Variants in STX17 observed in about 807,000 individuals in gnomAD.
STX17 encodes syntaxin-17.
In STX17, 29 loss-of-function variants were observed where a neutral mutation model predicts 35.9. The observed-to-expected ratio is 0.81, with a 90% CI of 0.60 to 1.10. The LOEUF (loss-of-function observed/expected upper bound fraction) is 1.10. Among genes scored for constraint, STX17 ranks in the 50% least tolerant of loss-of-function variants. STX17 has a pLI of 0.00. For missense variants in STX17, 312 were observed against 352.3 expected, an observed-to-expected ratio of 0.89 and a Z score of 0.92; for synonymous variants, 92 against 118.3, an observed-to-expected ratio of 0.78 and a Z score of 1.44.
At chr9:99,951,632 T>C (rs932533587) in intron 4 of STX17, among the ~76,000 whole-genome samples, 2 of 151,998 alleles carry the variant, frequency 1.3e-5, no homozygotes, top group African/African-American at 2.4e-5. Flanking sequence ...CAGGCATGCT[T>C]TTTTTTCTTA....
intron 2 of STX17, among the ~76,000 whole-genome samples, chr9:99,921,426 G>A (rs138387979): frequency 6.6e-6 from 1 of 152,016 alleles, no homozygotes; most frequent in East Asian, 1.9e-4. Context: ...AGTTATCATT[G>A]TTATATTTGT....
At chr9:99,961,877 A>G (rs1829832090) in intron 6 of STX17, among the ~76,000 whole-genome samples, 1 of 152,178 alleles carries the variant, frequency 6.6e-6, no homozygotes, top group African/African-American at 2.4e-5. Context: ...GGATATTGAT[A>G]CTTAAACTAT....
intron 3 of STX17, 162 bp downstream of exon 3, chr9:99,929,005 A>G (rs957315622): frequency 1.8e-6 from 1 of 568,548 alleles, no homozygotes; most frequent in Non-Finnish European, 3.0e-6. Context: ...CATGCCATAC[A>G]TATTTTCAAA....
intron 3 of STX17, among the ~76,000 whole-genome samples, chr9:99,946,555 T>C (rs1009113497): frequency 1.3e-5 from 2 of 152,296 alleles, no homozygotes; most frequent in Admixed American, 1.3e-4. Context: ...TTTACCCACT[T>C]TTTAGCATAT....
intron 4 of STX17, among the ~76,000 whole-genome samples, chr9:99,955,013 T>G (rs985461240): frequency 6.6e-6 from 1 of 152,050 alleles, no homozygotes; most frequent in African/African-American, 2.4e-5. Flanking sequence ...CACTTGTGTG[T>G]CTGGTTTCAT....
chr9:99,907,918 C>T (rs1360411216), intron 1 of STX17, among the ~76,000 whole-genome samples: 1 of 152,172 alleles, frequency 6.6e-6, no homozygotes, highest in Admixed American at 6.5e-5. Flanking sequence ...CTCCTCCAGT[C>T]TGTGACAGTT....
Position 99,969,339 on chromosome 9 carries a change from T to C in STX17, c.*666T>C, listed in dbSNP as rs1045063174. 1 of 152,198 alleles carries C rather than the reference T, an allele frequency of 6.6e-6. No homozygotes were observed. The highest frequency in any genetic ancestry group is 1.5e-5 in the Non-Finnish European group (1 of 68,040). The allele number at this position is 152,198 out of a possible 1,614,324, so 9.4% of individuals were successfully genotyped here. On this transcript the variant is annotated 3_prime_UTR_variant, in exon 8 of 8. Coordinates refer to ENST00000259400, the MANE Select transcript of STX17 (RefSeq NM_017919.3). ...AGAATTTCAAGTGGTAGGAGACTTA[T>C]TAAGCCAGTCACCAAGCTTGGTCTG...
rs533154427 is a variant in STX17, at chr9:99,914,660, A to T, written c.-62-518A>T. On this transcript the variant is annotated intron_variant, in intron 1 of 7. Coordinates refer to ENST00000259400, the MANE Select transcript of STX17 (RefSeq NM_017919.3). ...GAGAAAAGTTGCATATTATGTTATC[A>T]TATATTTGAAGTTGTGTAATTACAA... Among the ~76,000 whole-genome samples, 4 of 152,306 alleles carry T rather than the reference A, an allele frequency of 2.6e-5. No individual in the cohort carries two copies. The South Asian group carries it at 8.3e-4, about 32-fold the overall frequency.
intron 3 of STX17, among the ~76,000 whole-genome samples, chr9:99,930,168 C>T (rs1829088660): frequency 6.6e-6 from 1 of 152,068 alleles, no homozygotes; most frequent in South Asian, 2.1e-4. Context: ...GCCTTGGCCT[C>T]CCATAGTGCT....
Position 99,972,604 on chromosome 9 carries a change from C to G in STX17, c.*3931C>G, listed in dbSNP as rs1352929906. ...TGGGCTGCCTGCCTTCCTGCCCTCCCTTAAGTGCTCTAAGATTTTTGTACA... is the reference window on the plus strand; with the variant it reads ...TGGGCTGCCTGCCTTCCTGCCCTCCGTTAAGTGCTCTAAGATTTTTGTACA... On this transcript the variant is annotated 3_prime_UTR_variant, in exon 8 of 8. Coordinates refer to ENST00000259400, the MANE Select transcript of STX17 (RefSeq NM_017919.3). Among the ~76,000 whole-genome samples, 1 of 152,162 alleles carries G rather than the reference C, an allele frequency of 6.6e-6. No individual in the cohort carries two copies. Among genetic ancestry groups the G allele is most frequent in the Non-Finnish European group, 1.5e-5 (1 of 68,024 alleles).
intron 2 of STX17, among the ~76,000 whole-genome samples, chr9:99,926,739 C>G (rs1828993776): frequency 6.6e-6 from 1 of 152,176 alleles, no homozygotes; most frequent in Non-Finnish European, 1.5e-5. Flanking sequence ...ACCTTGTGAT[C>G]CGCCCGCTTC....
At chr9:99,944,678 C>G (rs1829440702) in intron 3 of STX17, among the ~76,000 whole-genome samples, 1 of 151,962 alleles carries the variant, frequency 6.6e-6, no homozygotes. Context: ...CCACACCCGG[C>G]TAATTTTTTG....
intron 4 of STX17, among the ~76,000 whole-genome samples, chr9:99,953,526 G>T (rs1829646693): frequency 6.6e-6 from 1 of 152,046 alleles, no homozygotes. Flanking sequence ...AGTTATTGCT[G>T]CCATATTGGT....
At chr9:99,945,711 C>G (rs1210132213) in intron 3 of STX17, 1 of 372,334 alleles carries the variant, frequency 2.7e-6, no homozygotes, top group Non-Finnish European at 5.3e-6. Context: ...TAATTTTTTC[C>G]TTTCTAGTTT....
chr9:99,937,281 C>A (rs898692484), intron 3 of STX17, among the ~76,000 whole-genome samples: 1 of 152,052 alleles, frequency 6.6e-6, no homozygotes, highest in Admixed American at 6.6e-5. Flanking sequence ...CTTCTTGGAC[C>A]TCTGGACTTA....
chr9:99,940,729 A>C (rs943626434), intron 3 of STX17, among the ~76,000 whole-genome samples: 1 of 151,540 alleles, frequency 6.6e-6, no homozygotes, highest in African/African-American at 2.4e-5. Context: ...AGTCCGCCTG[A>C]CTCAGCCTCC....
At chr9:99,920,479 A>T (rs1318200021) in intron 2 of STX17, among the ~76,000 whole-genome samples, 1 of 152,208 alleles carries the variant, frequency 6.6e-6, no homozygotes, top group Non-Finnish European at 1.5e-5. Flanking sequence ...TTCTGAATTA[A>T]ACTAATGTAG....
chr9:99,940,170 G>A (rs1163513875), intron 3 of STX17, among the ~76,000 whole-genome samples: 1 of 151,788 alleles, frequency 6.6e-6, no homozygotes, highest in African/African-American at 2.4e-5. Flanking sequence ...CGCTCTTGTC[G>A]CCCAGGCTGG....
At chr9:99,943,545 A>G (rs1039761979) in intron 3 of STX17, among the ~76,000 whole-genome samples, 74 of 152,178 alleles carry the variant, frequency 4.9e-4, no homozygotes, top group African/African-American at 1.7e-3. Context: ...CTGACCTCAA[A>G]TGATCTGCCC....
Sources: gnomAD v4.1 joint callset for allele counts (sites outside exome capture counted in the v4.1 genomes callset) on GRCh38, gnomAD v4.1.1 for gene constraint, MANE v1.5 for transcripts, NCBI Gene and HGNC (gene_info 2026-07-23, HGNC 2026-07-21) for gene names.